UCK2: variants seen among roughly 807,000 people sequenced by gnomAD.
UCK2 encodes the protein uridine-cytidine kinase 2, also known as cytidine monophosphokinase 2.
In UCK2, 6 loss-of-function variants were observed where a neutral mutation model predicts 30.8. That is an observed-to-expected ratio of 0.19 (90% confidence interval 0.11 to 0.38). The LOEUF is 0.38. Ranked by LOEUF, UCK2 falls within the 10% of genes least tolerant of loss-of-function variation. The probability of loss-of-function intolerance (pLI) is 1.00; values close to 1 mark genes in which losing one functional copy is unlikely to be tolerated. For synonymous variants in UCK2, 125 were observed against 133.6 expected (o/e 0.94, Z 0.45); for missense variants, 210 against 339.8 (o/e 0.62, Z 3.00).
chr1:165,841,539 C>T (rs535712563), intron 1 of UCK2, among the ~76,000 whole-genome samples: 2 of 152,280 alleles, frequency 1.3e-5, no homozygotes, highest in Non-Finnish European at 2.9e-5. Context: ...GCTTCCACCC[C>T]TTCCTGCTCC....
At chr1:165,900,083 G>A (rs1012328984) in intron 4 of UCK2, 7 of 152,032 alleles carry the variant, frequency 4.6e-5, no homozygotes, top group African/African-American at 1.2e-4. Context: ...CCCTTCCCGC[G>A]TGGCAACCTG....
At chr1:165,838,295 T>C (rs1654245207) in intron 1 of UCK2, among the ~76,000 whole-genome samples, 1 of 152,268 alleles carries the variant, frequency 6.6e-6, no homozygotes, top group Non-Finnish European at 1.5e-5. Flanking sequence ...GATAATTCCC[T>C]GCTCTGATAC....
chr1:165,849,498 G>T (rs377041050), intron 1 of UCK2, among the ~76,000 whole-genome samples: 21 of 152,316 alleles, frequency 1.4e-4, no homozygotes, highest in East Asian at 1.4e-3. Flanking sequence ...AGATTGAGAG[G>T]GATGGTGGAC....
chr1:165,895,930 G>A, intron 3 of UCK2: 1 of 362,778 alleles, frequency 2.8e-6, no homozygotes, highest in East Asian at 4.6e-5. Flanking sequence ...GGAGAAGGAT[G>A]TCTGCCGTGT....
intron 1 of UCK2, among the ~76,000 whole-genome samples, chr1:165,830,823 C>T (rs758021898): frequency 8.5e-5 from 13 of 152,048 alleles, no homozygotes; most frequent in East Asian, 5.8e-4. Context: ...TGCTTGAGCC[C>T]GGGAGTTTGA....
intron 1 of UCK2, among the ~76,000 whole-genome samples, chr1:165,868,633 C>T (rs1557840459): frequency 6.6e-6 from 1 of 152,232 alleles, no homozygotes; most frequent in Non-Finnish European, 1.5e-5. Flanking sequence ...GCTTCCTCAT[C>T]TTTCTCAGCC....
chr1:165,877,373 A>G (rs1655364477), intron 1 of UCK2, among the ~76,000 whole-genome samples: 1 of 152,252 alleles, frequency 6.6e-6, no homozygotes, highest in Non-Finnish European at 1.5e-5. Flanking sequence ...TGACGTTGAT[A>G]CAGTGAAGAT....
At position 165,831,116 on chromosome 1, in the gene UCK2, C is replaced by T. The variant is rs537382247; in HGVS notation, c.99+3184C>T. 1.1e-3 allele frequency among the ~76,000 whole-genome samples: 166 copies of T among 150,614 alleles called. 2 individuals carry two copies. In the Middle Eastern group the frequency reaches 0.042, roughly 38 times the overall value. On this transcript the variant is annotated intron_variant, in intron 1 of 6. Transcript: ENST00000367879. Reference sequence around the variant, plus strand: ...GAGCAAGACCTGTCTCGAACAAAAACCAAAAAAGGTTATGGCTGAGTACGG... The same window carrying T: ...GAGCAAGACCTGTCTCGAACAAAAATCAAAAAAGGTTATGGCTGAGTACGG...
At chr1:165,892,158 C>G (rs921702740) in intron 3 of UCK2, 1 of 149,486 alleles carries the variant, frequency 6.7e-6, no homozygotes, top group African/African-American at 2.5e-5. Context: ...TGAAACACTT[C>G]CTTCTATGGG....
Position 165,827,944 on chromosome 1 carries a change from C to T in UCK2, c.99+12C>T, listed in dbSNP as rs953235773. ...CAGCTAGCGGCAAGGTACGGCGGGG[C>T]CCGGAGCCGCGCTCCCTTCCCGGCT... On this transcript the variant is annotated intron_variant, in intron 1 of 6. Coordinates refer to ENST00000367879, the MANE Select transcript of UCK2 (RefSeq NM_012474.5). 5 of 1,346,644 alleles carry T rather than the reference C, an allele frequency of 3.7e-6. No homozygotes were observed. The highest frequency in any genetic ancestry group is 4.1e-5 in the South Asian group (2 of 49,346). 83.4% of individuals were successfully genotyped at this position (1,346,644 alleles called of 1,614,324 possible). A position where few individuals can be genotyped will look rare whatever the true frequency, so the allele number is the denominator to read the frequency against.
At chr1:165,902,914 A>G in intron 4 of UCK2, 1 of 279,152 alleles carries the variant, frequency 3.6e-6, no homozygotes, top group South Asian at 8.0e-5. Context: ...GTTGCTTGAA[A>G]CAAGAAGGCT....
chr1:165,873,193 A>G (rs1655247020), intron 1 of UCK2, among the ~76,000 whole-genome samples: 1 of 152,232 alleles, frequency 6.6e-6, no homozygotes, highest in Non-Finnish European at 1.5e-5. Context: ...AAGAAGGGAC[A>G]GATTATAGAA....
intron 1 of UCK2, among the ~76,000 whole-genome samples, chr1:165,845,475 G>T (rs371304159): frequency 6.6e-6 from 1 of 151,916 alleles, no homozygotes; most frequent in Non-Finnish European, 1.5e-5. Flanking sequence ...TTTTTTCTTC[G>T]CAACTCTTTG....
At chr1:165,873,918 C>G (rs1228507945) in intron 1 of UCK2, among the ~76,000 whole-genome samples, 1 of 152,152 alleles carries the variant, frequency 6.6e-6, no homozygotes, top group Non-Finnish European at 1.5e-5. Context: ...GATTTTATCT[C>G]CTACCTTATT....
intron 1 of UCK2, among the ~76,000 whole-genome samples, chr1:165,888,815 T>G (rs1655689736): frequency 6.6e-6 from 1 of 152,126 alleles, no homozygotes; most frequent in Non-Finnish European, 1.5e-5. Context: ...ACTTGGGTTA[T>G]GTCTCCTACA....
intron 5 of UCK2, among the ~76,000 whole-genome samples, chr1:165,903,753 A>G (rs532311432): frequency 2.0e-5 from 3 of 152,206 alleles, no homozygotes; most frequent in South Asian, 2.1e-4. Flanking sequence ...TTTAGCTCCC[A>G]TTTGGAGACT....
Position 165,869,659 on chromosome 1 carries a change from CTTTTTTTTTT to C in UCK2, c.100-20531_100-20522del, listed in dbSNP as rs71100867. Among the ~76,000 whole-genome samples the C allele has an allele frequency of 1.4e-4, 10 of 73,986 alleles. No homozygotes were observed. In the South Asian group the frequency reaches 2.8e-3, roughly 21 times the overall value. The allele number at this position is 73,986 out of a possible 152,430, so 48.5% of individuals were successfully genotyped here. A position where few individuals can be genotyped will look rare whatever the true frequency, so the allele number is the denominator to read the frequency against. ...TATGAAAGAGAATCTCATCATGGGC[CTTTTTTTTTT>C]TTTTTTTTTTTTTAAAGAGATGGGG... On this transcript the variant is annotated intron_variant, in intron 1 of 6. Coordinates refer to ENST00000367879, the MANE Select transcript of UCK2 (RefSeq NM_012474.5).
chr1:165,837,911 C>G (rs567884464), intron 1 of UCK2, among the ~76,000 whole-genome samples: 7 of 152,206 alleles, frequency 4.6e-5, no homozygotes, highest in Non-Finnish European at 1.0e-4. Flanking sequence ...TTTCTAGTTG[C>G]TCAGGCCTAA....
intron 1 of UCK2, among the ~76,000 whole-genome samples, chr1:165,859,887 G>A (rs1016510513): frequency 6.6e-6 from 1 of 152,098 alleles, no homozygotes; most frequent in African/African-American, 2.4e-5. Context: ...GCCTTCTCTG[G>A]CCCTCCCCTG....
Sources: gnomAD v4.1 joint callset for allele counts (sites outside exome capture counted in the v4.1 genomes callset) on GRCh38, gnomAD v4.1.1 for gene constraint, MANE v1.5 for transcripts, NCBI Gene and HGNC (gene_info 2026-07-23, HGNC 2026-07-21) for gene names.